GALNTL6: variants seen among roughly 807,000 people sequenced by gnomAD.
GALNTL6 encodes polypeptide N-acetylgalactosaminyltransferase like 6.
Under a neutral mutation model 73.7 loss-of-function variants are expected in GALNTL6, and 46 were observed. That is an observed-to-expected ratio of 0.62 (90% CI 0.49 to 0.80). GALNTL6 has a LOEUF of 0.80. Among genes scored for constraint, GALNTL6 ranks in the 30% least tolerant of loss-of-function variants. The pLI is 0.00. For missense variants in GALNTL6, 604 were observed against 755.0 expected, an observed-to-expected ratio of 0.80 and a Z score of 2.34; for synonymous variants, 259 against 263.7, an observed-to-expected ratio of 0.98 and a Z score of 0.17.
intron 5 of GALNTL6, among the ~76,000 whole-genome samples, chr4:172,367,328 T>C (rs1742602558): frequency 6.6e-6 from 1 of 152,200 alleles, no homozygotes; most frequent in Non-Finnish European, 1.5e-5. Flanking sequence ...TCCATGTGTT[T>C]GCCTTCATTC....
In GALNTL6 at chr4:172,490,269, G is replaced by A. The variant is rs149700625; in HGVS notation, c.553+141580G>A. 9.5e-4 allele frequency among the ~76,000 whole-genome samples: 145 copies of A among 152,230 alleles called. 2 individuals carry two copies. Among genetic ancestry groups the A allele is most frequent in the African/African-American group, 3.4e-3 (142 of 41,542 alleles). ...TACATATGTAGTTGGTTGTAAGGTTGCAATGCAGGGGCATAATAAATAGAA... is the reference window on the plus strand; with the variant it reads ...TACATATGTAGTTGGTTGTAAGGTTACAATGCAGGGGCATAATAAATAGAA... On this transcript the variant is annotated intron_variant, in intron 5 of 12. Coordinates refer to ENST00000506823, the MANE Select transcript of GALNTL6 (RefSeq NM_001034845.3).
chr4:172,526,277 A>G (rs1734949279), intron 5 of GALNTL6, among the ~76,000 whole-genome samples: 1 of 152,176 alleles, frequency 6.6e-6, no homozygotes, highest in Non-Finnish European at 1.5e-5. Context: ...TGGTGACCTC[A>G]CTAAAACCAT....
At chr4:172,564,766 G>T (rs751283210) in intron 5 of GALNTL6, among the ~76,000 whole-genome samples, 2 of 152,180 alleles carry the variant, frequency 1.3e-5, no homozygotes, top group Non-Finnish European at 2.9e-5. Context: ...TCCTCTTGAG[G>T]AGAATCCAGA....
At chr4:171,956,108 T>A (rs985065029) in intron 2 of GALNTL6, among the ~76,000 whole-genome samples, 1 of 145,004 alleles carries the variant, frequency 6.9e-6, no homozygotes, top group Admixed American at 6.9e-5. Flanking sequence ...GCTCAAGTGA[T>A]CCTCCCGCCA....
intron 2 of GALNTL6, among the ~76,000 whole-genome samples, chr4:171,844,386 C>G (rs1735316844): frequency 6.6e-6 from 1 of 152,082 alleles, no homozygotes; most frequent in Admixed American, 6.6e-5. Flanking sequence ...TTCGTGTTCA[C>G]TGATAGAGGC....
intron 5 of GALNTL6, among the ~76,000 whole-genome samples, chr4:172,634,590 A>G (rs1003896505): frequency 2.0e-5 from 3 of 152,188 alleles, no homozygotes; most frequent in Admixed American, 1.3e-4. Context: ...ATTATATAGC[A>G]AAGAGTAGAA....
At chr4:172,593,816 G>A (rs994520930) in intron 5 of GALNTL6, among the ~76,000 whole-genome samples, 2 of 151,834 alleles carry the variant, frequency 1.3e-5, no homozygotes, top group Admixed American at 1.3e-4. Context: ...TGCAACCTCC[G>A]CCTCCCAGGT....
intron 3 of GALNTL6, among the ~76,000 whole-genome samples, chr4:172,267,636 T>A (rs1020417178): frequency 7.2e-5 from 11 of 152,042 alleles, no homozygotes; most frequent in African/African-American, 1.7e-4. Flanking sequence ...TGAAAAAAAA[T>A]TTCTAATACT....
chr4:172,919,500 C>T (rs1316656983), intron 8 of GALNTL6, among the ~76,000 whole-genome samples: 1 of 152,186 alleles, frequency 6.6e-6, no homozygotes, highest in Non-Finnish European at 1.5e-5. Flanking sequence ...TGTTCCCACC[C>T]CTGCCATCAG....
At chr4:172,309,383 T>C (rs746657405) in intron 3 of GALNTL6, among the ~76,000 whole-genome samples, 1 of 150,382 alleles carries the variant, frequency 6.6e-6, no homozygotes, top group Non-Finnish European at 1.5e-5. Flanking sequence ...GTTACTAAAG[T>C]GAAAAATATA....
intron 5 of GALNTL6, among the ~76,000 whole-genome samples, chr4:172,744,833 G>A (rs1454758368): frequency 6.5e-5 from 6 of 92,654 alleles, no homozygotes; most frequent in African/African-American, 2.1e-4. Flanking sequence ...TTTTAAGAGT[G>A]CGCGTGCGTG....
At chr4:172,922,870 C>A (rs1579658973) in intron 8 of GALNTL6, among the ~76,000 whole-genome samples, 2 of 152,300 alleles carry the variant, frequency 1.3e-5, no homozygotes, top group East Asian at 3.9e-4. Flanking sequence ...TCAAAGAAAT[C>A]ATTTCATTAC....
chr4:172,513,643 G>T (rs532839006), intron 5 of GALNTL6, among the ~76,000 whole-genome samples: 1 of 152,296 alleles, frequency 6.6e-6, no homozygotes, highest in East Asian at 1.9e-4. Context: ...TAGGGATGGG[G>T]CTTCCTGAGA....
Position 172,398,979 on chromosome 4 carries a change from AT to A in GALNTL6, c.553+50291del, listed in dbSNP as rs1013816978. Among the ~76,000 whole-genome samples the A allele has an allele frequency of 5.9e-5, 9 of 152,274 alleles. No individual in the cohort carries two copies. In the East Asian group the frequency reaches 1.5e-3, roughly 26 times the overall value. The stretch of plus-strand genomic sequence containing the variant: ...CAGCACTGAAATTAACACAAAAAAA[AT>A]CAACCTTTTAGTTGTGTCTTGATGA... On this transcript the variant is annotated intron_variant, in intron 5 of 12. Transcript: ENST00000506823.
chr4:172,377,342 T>C (rs929422509), intron 5 of GALNTL6, among the ~76,000 whole-genome samples: 1 of 152,002 alleles, frequency 6.6e-6, no homozygotes, highest in African/African-American at 2.4e-5. Context: ...ATTAGCTAGA[T>C]ACAGAGTGCT....
chr4:172,291,664 G>A (rs1456965284), intron 3 of GALNTL6, among the ~76,000 whole-genome samples: 1 of 151,966 alleles, frequency 6.6e-6, no homozygotes, highest in Admixed American at 6.6e-5. Flanking sequence ...AAAGGCAATT[G>A]ATGAGGGCTA....
intron 5 of GALNTL6, among the ~76,000 whole-genome samples, chr4:172,712,944 T>G (rs958865198): frequency 6.6e-6 from 1 of 152,132 alleles, no homozygotes; most frequent in Non-Finnish European, 1.5e-5. Flanking sequence ...TTATATAACC[T>G]CTGGCTTAAT....
At chr4:172,810,497 C>G (rs1579511828) in intron 6 of GALNTL6, among the ~76,000 whole-genome samples, 1 of 152,278 alleles carries the variant, frequency 6.6e-6, no homozygotes, top group Non-Finnish European at 1.5e-5. Flanking sequence ...TCACTAGCAA[C>G]TGCCTTCACA....
intron 8 of GALNTL6, among the ~76,000 whole-genome samples, chr4:172,885,269 C>A (rs1745661196): frequency 6.6e-6 from 1 of 152,072 alleles, no homozygotes; most frequent in Non-Finnish European, 1.5e-5. Context: ...GTATATCTTT[C>A]CATCTTTTGT....
Sources: gnomAD v4.1 joint callset for allele counts (sites outside exome capture counted in the v4.1 genomes callset) on GRCh38, gnomAD v4.1.1 for gene constraint, MANE v1.5 for transcripts, NCBI Gene and HGNC (gene_info 2026-07-23, HGNC 2026-07-21) for gene names.